The following NCAPG2 variants were observed in gnomAD, a reference collection of about 807,000 sequenced individuals.
NCAPG2 encodes the protein non-SMC condensin II complex subunit G2, also known as condensin-2 complex subunit G2.
In NCAPG2, 53 loss-of-function variants were observed where a neutral mutation model predicts 141.1. The ratio of observed to expected loss-of-function variants is 0.38; its 90% CI spans 0.30 to 0.47. The LOEUF (loss-of-function observed/expected upper bound fraction) is 0.47, where lower values mean the gene tolerates loss of function less well. Ranked by LOEUF, NCAPG2 falls within the 20% of genes least tolerant of loss-of-function variation. NCAPG2 has a pLI of 0.99. For synonymous variants in NCAPG2, 499 were observed against 490.7 expected (o/e 1.02, Z -0.22); for missense variants, 1,087 against 1,389.0 (o/e 0.78, Z 3.46).
chr7:158,695,715 A>G (rs1214205987), intron 2 of NCAPG2, among the ~76,000 whole-genome samples: 2 of 152,236 alleles, frequency 1.3e-5, no homozygotes, highest in Non-Finnish European at 2.9e-5. Context: ...CCACGACATT[A>G]GCAGTGACGG....
intron 23 of NCAPG2, among the ~76,000 whole-genome samples, chr7:158,651,679 A>G (rs1831505441): frequency 6.6e-6 from 1 of 152,222 alleles, no homozygotes; most frequent in Non-Finnish European, 1.5e-5. Flanking sequence ...AATCTGGCAG[A>G]CAGGTTTTTA....
At chr7:158,695,206 C>T (rs546071518) in intron 2 of NCAPG2, among the ~76,000 whole-genome samples, 19 of 152,008 alleles carry the variant, frequency 1.2e-4, no homozygotes, top group Non-Finnish European at 2.2e-4. Flanking sequence ...CTGAAGGTGA[C>T]CAGAGAAATG....
chr7:158,678,109 TAAAA>T (rs10549623), intron 11 of NCAPG2, among the ~76,000 whole-genome samples: 1 of 148,406 alleles, frequency 6.7e-6, no homozygotes. Context: ...TTTTTTATTT[TAAAA>T]AAAAAAAAAA....
chr7:158,664,974 GGGT>G, intron 13 of NCAPG2: 1 of 486,502 alleles, frequency 2.1e-6, no homozygotes, highest in East Asian at 3.5e-5. Flanking sequence ...CCAAGTATTA[GGGT>G]GCTAAGAGGT....
intron 11 of NCAPG2, 103 bp downstream of exon 11, chr7:158,679,857 G>T: frequency 1.4e-6 from 2 of 1,427,022 alleles, no homozygotes. Flanking sequence ...TGGGAGCAGA[G>T]CTCTGGCGGT....
chr7:158,676,541 A>T (rs916745597), intron 11 of NCAPG2, among the ~76,000 whole-genome samples: 4 of 67,702 alleles, frequency 5.9e-5, no homozygotes, highest in Non-Finnish European at 1.1e-4. Context: ...GCATGATTAA[A>T]AAAAAAATTA....
chr7:158,654,078 C>G (rs1831719363), intron 22 of NCAPG2, among the ~76,000 whole-genome samples: 1 of 152,176 alleles, frequency 6.6e-6, no homozygotes, highest in East Asian at 1.9e-4. Flanking sequence ...TGCACTCCCC[C>G]TGGCCCCACA....
intron 27 of NCAPG2, among the ~76,000 whole-genome samples, chr7:158,636,374 C>G (rs1830193658): frequency 6.6e-6 from 1 of 151,446 alleles, no homozygotes; most frequent in African/African-American, 2.4e-5. Context: ...CCAAATAAGC[C>G]TTCCTTGGCA....
In NCAPG2 at chr7:158,644,742, T is replaced by A. The variant is rs548987632; in HGVS notation, c.3281-354A>T. 3.1e-4 allele frequency among the ~76,000 whole-genome samples: 47 copies of A among 152,286 alleles called. 1 individual carries two copies. In the South Asian group the frequency reaches 9.5e-3, roughly 31 times the overall value. ...GCAAGGCACCTGGCAGCATCCAACA[T>A]CCATCCTCAACATCCTCCTGGTGGT... On this transcript the variant is annotated intron_variant, in intron 26 of 27. Coordinates refer to ENST00000356309, the MANE Select transcript of NCAPG2 (RefSeq NM_017760.7).
chr7:158,665,951 CA>C (rs1430782746), intron 13 of NCAPG2, among the ~76,000 whole-genome samples: 1 of 152,088 alleles, frequency 6.6e-6, no homozygotes, highest in Non-Finnish European at 1.5e-5. Flanking sequence ...GTAGTAAGGA[CA>C]ATAAGCCCAA....
At position 158,656,358 on chromosome 7, in the gene NCAPG2, T is replaced by C. The variant is rs1043232107; in HGVS notation, c.2290A>G (p.Ile764Val). The C allele has an allele frequency of 1.2e-6, 2 of 1,614,052 alleles. No homozygotes were observed. Among genetic ancestry groups the C allele is most frequent in the Non-Finnish European group, 1.7e-6 (2 of 1,180,034 alleles). The change falls in exon 19 of 28, where the codon ATT becomes GTT. Residue 764 changes from isoleucine to valine, a missense_variant. Physicochemically the swap from Ile to Val is conservative, Grantham distance 29. Transcript: ENST00000356309. ...PVKPELALVY[I>V]EYLLTHPKNR... ...TTTGGATGAGTCAGCAGATACTCAA[T>C]GTAGACCAATGCCAATTCAGGTTTG...
chr7:158,693,518 G>T, intron 2 of NCAPG2, 21 bp from the exon 3 acceptor site: 1 of 1,579,446 alleles, frequency 6.3e-7, no homozygotes, highest in South Asian at 1.1e-5. Context: ...AATAGCAAGT[G>T]TCACATTTCA....
At chr7:158,693,186 C>A in intron 3 of NCAPG2, 123 bp downstream of exon 3, 1 of 1,109,272 alleles carries the variant, frequency 9.0e-7, no homozygotes, top group Non-Finnish European at 1.3e-6. Context: ...GACTAAACTT[C>A]TAAAATTCTT....
rs1834355205 is a variant in NCAPG2, at chr7:158,680,103, G to C, written c.1021-18C>G. The C allele has an allele frequency of 6.2e-7, 1 of 1,610,480 alleles. No homozygotes were observed. The highest frequency in any genetic ancestry group is 1.3e-5 in the African/African-American group (1 of 74,740). ...TTTCTGGCCTATAATAATAAAAGAA[G>C]AGTATCTCAGAATCCCAAAGAGTTA... On this transcript the variant is annotated intron_variant, in intron 10 of 27. Coordinates refer to ENST00000356309, the MANE Select transcript of NCAPG2 (RefSeq NM_017760.7).
chr7:158,668,341 CA>C (rs1286492229), intron 13 of NCAPG2: 2 of 954,384 alleles, frequency 2.1e-6, no homozygotes, highest in Non-Finnish European at 1.2e-6. Flanking sequence ...CCCTTACCCA[CA>C]ACTGGGTCCC....
chr7:158,699,381 C>T (rs1244508650), intron 2 of NCAPG2, among the ~76,000 whole-genome samples: 2 of 152,204 alleles, frequency 1.3e-5, no homozygotes, highest in Non-Finnish European at 2.9e-5. Flanking sequence ...GTCAATACAT[C>T]AAGGAACAAT....
At chr7:158,635,452 G>C (rs1385726476) in intron 27 of NCAPG2, among the ~76,000 whole-genome samples, 2 of 152,104 alleles carry the variant, frequency 1.3e-5, no homozygotes, top group Non-Finnish European at 2.9e-5. Context: ...CAAGTAATTT[G>C]CTTGTAATAT....
At chr7:158,658,744 T>TA (rs1832225370) in intron 16 of NCAPG2, among the ~76,000 whole-genome samples, 1 of 152,084 alleles carries the variant, frequency 6.6e-6, no homozygotes, top group African/African-American at 2.4e-5. Flanking sequence ...GAATCTACTT[T>TA]AAAAAACAAC....
intron 13 of NCAPG2, among the ~76,000 whole-genome samples, chr7:158,670,695 T>C (rs578233889): frequency 2.0e-5 from 3 of 152,356 alleles, no homozygotes; most frequent in Admixed American, 6.5e-5. Flanking sequence ...ATCTACACTA[T>C]GCTTTTATAC....
Sources: allele counts gnomAD v4.1 joint callset (sites outside exome capture counted in the v4.1 genomes callset), GRCh38; gene constraint gnomAD v4.1.1; transcripts MANE v1.5; gene names NCBI Gene and HGNC (gene_info 2026-07-23, HGNC 2026-07-21).